Variants in PAN2 observed in about 807,000 individuals in gnomAD.
PAN2 encodes PAN2-PAN3 deadenylation complex catalytic subunit PAN2.
In PAN2, 68 loss-of-function variants were observed where a neutral mutation model predicts 133.3. The observed-to-expected ratio is 0.51, with a 90% CI of 0.42 to 0.62. The LOEUF (loss-of-function observed/expected upper bound fraction) is 0.62. Ranked by LOEUF, PAN2 falls within the 20% of genes least tolerant of loss-of-function variation. PAN2 has a pLI of 0.00. For missense variants in PAN2, 1,042 were observed against 1,500.5 expected, an observed-to-expected ratio of 0.69 and a Z score of 5.05; for synonymous variants, 462 against 544.6, an observed-to-expected ratio of 0.85 and a Z score of 2.11.
intron 13 of PAN2, 43 bp from the exon 14 acceptor site, chr12:56,323,956 C>G: frequency 6.2e-7 from 1 of 1,605,352 alleles, no homozygotes; most frequent in Non-Finnish European, 8.5e-7. Context: ...CTCCCCTCTA[C>G]CCACAGTTAG....
At position 56,326,847 on chromosome 12, in the gene PAN2, A is replaced by G. The variant is rs770077102; in HGVS notation, c.1032T>C (p.Ala344=). 11 of 1,614,210 alleles carry G rather than the reference A, an allele frequency of 6.8e-6. No individual in the cohort carries two copies. Among genetic ancestry groups the G allele is most frequent in the Non-Finnish European group, 9.3e-6 (11 of 1,180,026 alleles). Residue 344 remains alanine (A), a synonymous_variant, in exon 7 of 26, where the codon GCT becomes GCC. Coordinates refer to ENST00000440411, the MANE Select transcript of PAN2 (RefSeq NM_014871.6). ...MTFDVSASKQ[A]LAFGDSEGCV... ...AGCCCTCAGAATCCCCAAAGGCCAGAGCCTGCTTGCTGGCTGACACATCAA... is the reference window on the plus strand; with the variant it reads ...AGCCCTCAGAATCCCCAAAGGCCAGGGCCTGCTTGCTGGCTGACACATCAA...
At position 56,324,590 on chromosome 12, in the gene PAN2, G is replaced by A; in HGVS notation, c.1719C>T (p.Asp573=). The change falls in exon 11 of 26, where the codon GAC becomes GAT. Residue 573 remains aspartate, a synonymous_variant. Coordinates refer to ENST00000440411, the MANE Select transcript of PAN2 (RefSeq NM_014871.6). Reference sequence around the variant, plus strand: ...GTCTCCAAGTACTGACCTGGCAAGGGTCACCACGAGAGAGGTCCAACATGT... The same window carrying A: ...GTCTCCAAGTACTGACCTGGCAAGGATCACCACGAGAGAGGTCCAACATGT... ...LFHMLDLSRG[D]PCQGNNFLRA... is the part of the protein sequence containing the mutation. The A allele has an allele frequency of 6.2e-7, 1 of 1,613,974 alleles. No homozygotes were observed. The highest frequency in any genetic ancestry group is 8.5e-7 in the Non-Finnish European group (1 of 1,179,934).
Position 56,322,082 on chromosome 12 carries a change from C to T in PAN2, c.2784G>A (p.Leu928=). ...VKRNLNSRYN[L]NIKNPIEASV... is the part of the protein sequence containing the mutation. ...GGTCTACTATGTAGCACTTACTGTT[C>T]AGGTTGTATCTGGAATTGAGATTCC... Residue 928 remains leucine, a synonymous_variant, in exon 20 of 26, where the codon CTG becomes CTA. Coordinates refer to ENST00000440411, the MANE Select transcript of PAN2 (RefSeq NM_014871.6). 1 of 1,582,130 alleles carries T rather than the reference C, an allele frequency of 6.3e-7. No homozygotes were observed.
At chr12:56,333,288 A>T in intron 1 of PAN2, 80 bp from the exon 2 acceptor site, 2 of 562,312 alleles carry the variant, frequency 3.6e-6, no homozygotes, top group Non-Finnish European at 6.4e-6. Context: ...TGGGGGCAGG[A>T]GGGAGATGAG....
In PAN2 at chr12:56,326,872, A is replaced by G; in HGVS notation, c.1007T>C (p.Phe336Ser). Residue 336 changes from phenylalanine to serine, a missense_variant, in exon 7 of 26, where the codon TTT becomes TCT. By Grantham distance (155) the Phe-to-Ser change is radical. Coordinates refer to ENST00000440411, the MANE Select transcript of PAN2 (RefSeq NM_014871.6). ...VNPVGPLLMT[F>S]DVSASKQALA... ...AGCCTGCTTGCTGGCTGACACATCA[A>G]ATGTCATTAGCAGAGGCCCCACAGG... 6.2e-7 allele frequency: 1 copy of G among 1,614,222 alleles called. No individual in the cohort carries two copies. The highest frequency in any genetic ancestry group is 8.5e-7 in the Non-Finnish European group (1 of 1,180,034).
In PAN2 at chr12:56,318,287, C is replaced by G; in HGVS notation, c.3512G>C (p.Arg1171Thr). The G allele has an allele frequency of 6.2e-7, 1 of 1,614,176 alleles. No homozygotes were observed. The highest frequency in any genetic ancestry group is 8.5e-7 in the Non-Finnish European group (1 of 1,180,034). The change falls in exon 25 of 26, where the codon AGA becomes ACA. Residue 1171 changes from arginine (R) to threonine (T), a missense_variant. Transcript: ENST00000440411. ...KVLKGLYEKG[R>T]KMDWKVPEPE... is the part of the protein sequence containing the mutation. ...CTCAGGCACCTTCCAGTCCATCTTT[C>G]TGCCCTTCTCATAAAGACCCTTGAG...
chr12:56,325,522 C>G, intron 8 of PAN2, 68 bp from the exon 9 acceptor site: 1 of 1,576,310 alleles, frequency 6.3e-7, no homozygotes. Flanking sequence ...CTCATTTATC[C>G]CAACATTGAA....
Position 56,327,464 on chromosome 12 carries a change from G to A in PAN2, c.819C>T (p.Arg273=), listed in dbSNP as rs2135983656. Residue 273 remains arginine, a synonymous_variant, in exon 6 of 26, where the codon CGC becomes CGT. Coordinates refer to ENST00000440411, the MANE Select transcript of PAN2 (RefSeq NM_014871.6). ...CDRFLKVYDL[R]MMRAITPLQV... ...GAAGTGGTGTGATGGCACGCATCATGCGCAAATCATACACCTTGAGGAAAC... is the reference window on the plus strand; with the variant it reads ...GAAGTGGTGTGATGGCACGCATCATACGCAAATCATACACCTTGAGGAAAC... 6.2e-7 allele frequency: 1 copy of A among 1,614,218 alleles called. No individual in the cohort carries two copies. The highest frequency in any genetic ancestry group is 1.1e-5 in the South Asian group (1 of 91,088).
At chr12:56,328,905 G>GT (rs1157074257) in intron 2 of PAN2, among the ~76,000 whole-genome samples, 2 of 152,196 alleles carry the variant, frequency 1.3e-5, no homozygotes, top group African/African-American at 4.8e-5. Flanking sequence ...TGCTGAATAG[G>GT]TAATGGCTCA....
intron 20 of PAN2, 29 bp downstream of exon 20, chr12:56,322,049 C>T (rs1449573140): frequency 1.6e-6 from 2 of 1,248,450 alleles, no homozygotes; most frequent in South Asian, 1.2e-5. Context: ...AAACTGTCCA[C>T]ACACTTGGGT....
At position 56,328,092 on chromosome 12, in the gene PAN2, A is replaced by T. The variant is rs370365425; in HGVS notation, c.574-20T>A. On this transcript the variant is annotated intron_variant, in intron 4 of 25. Coordinates refer to ENST00000440411, the MANE Select transcript of PAN2 (RefSeq NM_014871.6). ...TGCATACTGGAGAGGGAAGCAGGAA[A>T]AACCAGTGAGAAGAATGATTTTTCC... The T allele has an allele frequency of 1.9e-6, 3 of 1,613,522 alleles. No individual in the cohort carries two copies. The highest frequency in any genetic ancestry group is 2.5e-6 in the Non-Finnish European group (3 of 1,179,714).
chr12:56,332,222 T>C (rs1592451397), intron 2 of PAN2, among the ~76,000 whole-genome samples: 2 of 152,222 alleles, frequency 1.3e-5, no homozygotes, highest in East Asian at 3.9e-4. Context: ...GCAACAGCAA[T>C]TGAGATTAGA....
At position 56,328,352 on chromosome 12, in the gene PAN2, A is replaced by G; in HGVS notation, c.459T>C (p.Asp153=). ...GGLIIFDYLL[D]ENEDMHSLLL... ...GGAGACTGTGCATATCCTCATTCTC[A>G]TCCAGCCTGGTGGGGAGAGGAAAGG... The change falls in exon 4 of 26, where the codon GAT becomes GAC. Residue 153 remains aspartate, a synonymous_variant. Coordinates refer to ENST00000440411, the MANE Select transcript of PAN2 (RefSeq NM_014871.6). 2.5e-6 allele frequency: 4 copies of G among 1,597,416 alleles called. No individual in the cohort carries two copies. The highest frequency in any genetic ancestry group is 3.4e-6 in the Non-Finnish European group (4 of 1,170,820).
At position 56,317,383 on chromosome 12, in the gene PAN2, T is replaced by C; in HGVS notation, c.*226A>G. 3.4e-6 allele frequency: 2 copies of C among 586,704 alleles called. No homozygotes were observed. The highest frequency in any genetic ancestry group is 4.2e-5 in the South Asian group (2 of 47,520). 36.3% of individuals were successfully genotyped at this position (586,704 alleles called of 1,614,324 possible). On this transcript the variant is annotated 3_prime_UTR_variant, in exon 26 of 26. Transcript: ENST00000440411. ...GGGTCAATTCTAGACTCCATGTCTG[T>C]ACCACTGTTTTGCAAAGAATGAAGA...
chr12:56,333,274 G>T, intron 1 of PAN2, 66 bp from the exon 2 acceptor site: 1 of 611,870 alleles, frequency 1.6e-6, no homozygotes, highest in Non-Finnish European at 2.9e-6. Flanking sequence ...GGTCTTCTAG[G>T]TTATGGGGGC....
chr12:56,320,237 A>C (rs561167171), intron 20 of PAN2, among the ~76,000 whole-genome samples: 1 of 152,236 alleles, frequency 6.6e-6, no homozygotes, highest in Non-Finnish European at 1.5e-5. Context: ...AAACCAGAAA[A>C]GACCACAGAG....
intron 2 of PAN2, among the ~76,000 whole-genome samples, chr12:56,331,890 T>G (rs1875917293): frequency 6.6e-6 from 1 of 151,954 alleles, no homozygotes. Context: ...ATTTTTTGCA[T>G]TTTTAGTAGA....
At position 56,322,727 on chromosome 12, in the gene PAN2, C is replaced by G. The variant is rs374756178; in HGVS notation, c.2525G>C (p.Gly842Ala). 15 of 1,613,840 alleles carry G rather than the reference C, an allele frequency of 9.3e-6. No homozygotes were observed. Among genetic ancestry groups the G allele is most frequent in the Middle Eastern group, 1.6e-4 (1 of 6,080 alleles). The stretch of plus-strand genomic sequence containing the variant: ...AGCCATCAGGTCATACACATAGACA[C>G]CATGCTCCTCCTCTGCCCTGGCTGG... Reference protein sequence around the residue: ...WGPARAEEEHGVYVYDLMATV... With the variant: ...WGPARAEEEHAVYVYDLMATV... Residue 842 changes from glycine to alanine, a missense_variant, in exon 18 of 26, where the codon GGT becomes GCT. Physicochemically the swap from Gly to Ala is moderately conservative, Grantham distance 60. Transcript: ENST00000440411.
intron 20 of PAN2, among the ~76,000 whole-genome samples, chr12:56,321,795 G>C (rs1030428907): frequency 6.6e-6 from 1 of 150,902 alleles, no homozygotes; most frequent in Non-Finnish European, 1.5e-5. Flanking sequence ...AGGTTGCAGT[G>C]AGCCGAGATT....
Sources: gnomAD v4.1 joint callset for allele counts (sites outside exome capture counted in the v4.1 genomes callset) on GRCh38, gnomAD v4.1.1 for gene constraint, MANE v1.5 for transcripts, NCBI Gene and HGNC (gene_info 2026-07-23, HGNC 2026-07-21) for gene names.